GPAM: variants seen among roughly 807,000 people sequenced by gnomAD.
GPAM encodes the protein glycerol-3-phosphate acyltransferase, mitochondrial.
A neutral mutation model predicts 105.0 loss-of-function variants in GPAM; 56 were observed. That is an observed-to-expected ratio of 0.53 (90% confidence interval 0.43 to 0.67). The LOEUF (loss-of-function observed/expected upper bound fraction) is 0.67. Ranked by LOEUF, GPAM falls within the 30% of genes least tolerant of loss-of-function variation. GPAM has a pLI of 0.00. For synonymous variants in GPAM, 368 were observed against 354.4 expected (o/e 1.04, Z -0.43); for missense variants, 855 against 989.8 (o/e 0.86, Z 1.83).
intron 1 of GPAM, among the ~76,000 whole-genome samples, chr10:112,212,227 A>T (rs1847918391): frequency 6.6e-6 from 1 of 152,206 alleles, no homozygotes; most frequent in African/African-American, 2.4e-5. Flanking sequence ...GTCTGACAGG[A>T]ATATTATTAG....
intron 1 of GPAM, among the ~76,000 whole-genome samples, chr10:112,208,757 A>G (rs765470911): frequency 2.6e-5 from 4 of 152,226 alleles, no homozygotes; most frequent in Admixed American, 6.5e-5. Flanking sequence ...AAATTAAATT[A>G]AACATAAATT....
chr10:112,188,815 T>C (rs1252683084), intron 1 of GPAM, among the ~76,000 whole-genome samples: 1 of 152,138 alleles, frequency 6.6e-6, no homozygotes, highest in African/African-American at 2.4e-5. Context: ...GATCCTTAAT[T>C]TACAGATAAG....
At chr10:112,178,868 A>AATAACTGTC (rs1177924390) in intron 4 of GPAM, among the ~76,000 whole-genome samples, 2 of 152,104 alleles carry the variant, frequency 1.3e-5, no homozygotes, top group Non-Finnish European at 2.9e-5. Flanking sequence ...ATTACCCCTA[A>AATAACTGTC]ATAACTGTCC....
At position 112,211,679 on chromosome 10, in the gene GPAM, G is replaced by A. The variant is rs548471379; in HGVS notation, n.210+3489C>T. Among the ~76,000 whole-genome samples, 42 of 152,178 alleles carry A rather than the reference G, an allele frequency of 2.8e-4. 1 individual carries two copies. The East Asian group carries it at 5.2e-3, about 19-fold the overall frequency. On this transcript the variant is annotated intron_variant and non_coding_transcript_variant, in intron 1 of 3. Transcript: ENST00000480130. Reference sequence around the variant, plus strand: ...CTCAGCCTCATTCTCTATTCTACCCGCTGTGTGCCTCACACACAGTAAGCA... The same window carrying A: ...CTCAGCCTCATTCTCTATTCTACCCACTGTGTGCCTCACACACAGTAAGCA...
chr10:112,224,715 T>C, the GPAM span, among the ~76,000 whole-genome samples: 1 of 152,106 alleles, frequency 6.6e-6, no homozygotes, highest in East Asian at 1.9e-4. Flanking sequence ...AATATGCAAG[T>C]ACTAAGGACT....
intron 1 of GPAM, among the ~76,000 whole-genome samples, chr10:112,207,042 C>T (rs1035913202): frequency 6.6e-5 from 10 of 152,198 alleles, no homozygotes; most frequent in African/African-American, 2.4e-4. Context: ...ATTAACAACT[C>T]TTAATGTGGT....
At chr10:112,171,396 T>G (rs1195855900) in intron 9 of GPAM, among the ~76,000 whole-genome samples, 1 of 152,222 alleles carries the variant, frequency 6.6e-6, no homozygotes, top group Non-Finnish European at 1.5e-5. Flanking sequence ...TGAACTATCC[T>G]AATGGAAGCA....
upstream of GPAM, among the ~76,000 whole-genome samples, chr10:112,218,878 T>C (rs767882873): frequency 1.3e-5 from 2 of 152,202 alleles, no homozygotes; most frequent in Non-Finnish European, 2.9e-5. Flanking sequence ...AATTAATACA[T>C]AATGAGCAGT....
At chr10:112,208,717 A>AT (rs564490778) in intron 1 of GPAM, among the ~76,000 whole-genome samples, 1 of 152,178 alleles carries the variant, frequency 6.6e-6, no homozygotes, top group Non-Finnish European at 1.5e-5. Flanking sequence ...AGGGATACTA[A>AT]TTTTTTAATT....
intron 9 of GPAM, among the ~76,000 whole-genome samples, chr10:112,171,683 G>A (rs888522575): frequency 6.6e-6 from 1 of 152,260 alleles, no homozygotes; most frequent in Admixed American, 6.5e-5. Flanking sequence ...ACGCATTGAG[G>A]AAAACCTCTA....
At chr10:112,154,389 G>A (rs780497129) in intron 21 of GPAM, 41 of 572,234 alleles carry the variant, frequency 7.2e-5, no homozygotes, top group Non-Finnish European at 5.3e-5. Context: ...TAGCAGCTTG[G>A]GAATAAATGT....
intron 10 of GPAM, 98 bp from the exon 11 acceptor site, chr10:112,168,622 ATAACT>A: frequency 4.8e-6 from 4 of 841,582 alleles, no homozygotes; most frequent in Non-Finnish European, 8.0e-6. Context: ...AGAAAAAACG[ATAACT>A]TCACTACTGA....
chr10:112,193,586 G>A (rs79378348), intron 1 of GPAM, among the ~76,000 whole-genome samples: 208 of 152,288 alleles, frequency 1.4e-3, no homozygotes, highest in Non-Finnish European at 2.5e-3. Flanking sequence ...GGAAACTGAG[G>A]CACCAGGAGA....
At position 112,172,195 on chromosome 10, in the gene GPAM, T is replaced by G. The variant is rs1421912194; in HGVS notation, c.781A>C (p.Ile261Leu). The change falls in exon 9 of 22, where the codon ATC (isoleucine) becomes CTC (leucine). Residue 261 changes from isoleucine (I) to leucine (L), a missense_variant. By Grantham distance (5) the Ile-to-Leu change is conservative. Transcript: ENST00000348367. ...PYIASGNNLN[I>L]PIFSTLIHKL... ...AGCTCATCTTACCTGAAGATTGGGATGTTGAGATTATTGCCTGAAGCAATG... is the reference window on the plus strand; with the variant it reads ...AGCTCATCTTACCTGAAGATTGGGAGGTTGAGATTATTGCCTGAAGCAATG... 3 of 1,607,844 alleles carry G rather than the reference T, an allele frequency of 1.9e-6. No homozygotes were observed. Among genetic ancestry groups the G allele is most frequent in the South Asian group, 2.2e-5 (2 of 90,900 alleles).
intron 4 of GPAM, among the ~76,000 whole-genome samples, chr10:112,178,591 A>ACC (rs1252033920): frequency 7.0e-6 from 1 of 143,720 alleles, no homozygotes; most frequent in Non-Finnish European, 1.5e-5. Flanking sequence ...AAACAAACAA[A>ACC]CCACCTTAAA....
intron 17 of GPAM, among the ~76,000 whole-genome samples, chr10:112,159,377 C>T (rs7898897): frequency 0.55 from 83,468 of 151,398 alleles, 23,220 homozygotes; most frequent in South Asian, 0.62. Flanking sequence ...GGTGCTACTA[C>T]ACCTGGCTAA....
rs975897896 is a variant in GPAM at position 112,200,250 on chromosome 10, G to T, written n.210+14918C>A. The stretch of plus-strand genomic sequence containing the variant: ...ATGTATATATATATATATATAGAGA[G>T]AGAGAGAGAGAGAGAGAGAATAGTT... On this transcript the variant is annotated intron_variant and non_coding_transcript_variant, in intron 1 of 3. Coordinates refer to the GPAM transcript ENST00000480130. 7.5e-3 allele frequency among the ~76,000 whole-genome samples: 1,061 copies of T among 142,018 alleles called. 4 individuals are homozygous for T. Among genetic ancestry groups the T allele is most frequent in the African/African-American group, 0.013 (485 of 37,280 alleles). 93.2% of individuals were successfully genotyped at this position (142,018 alleles called of 152,430 possible). A position where few individuals can be genotyped will look rare whatever the true frequency, so the allele number is the denominator to read the frequency against.
Position 112,157,399 on chromosome 10 carries a change from G to GT in GPAM, c.1981-11_1981-10insA. ...CTTCCTGGTCATCGTGCTAGGCCAAGGAGATGATGGATAGTAAATAAATAT... is the reference window on the plus strand; with the variant it reads ...CTTCCTGGTCATCGTGCTAGGCCAAGTGAGATGATGGATAGTAAATAAATAT... On this transcript the variant is annotated splice_polypyrimidine_tract_variant and intron_variant, in intron 18 of 21. Coordinates refer to ENST00000348367, the MANE Select transcript of GPAM (RefSeq NM_001244949.2). The GT allele has an allele frequency of 6.2e-7, 1 of 1,613,116 alleles. No homozygotes were observed. Among genetic ancestry groups the GT allele is most frequent in the Non-Finnish European group, 8.5e-7 (1 of 1,179,216 alleles).
intron 6 of GPAM, among the ~76,000 whole-genome samples, chr10:112,174,410 T>A (rs1847367913): frequency 6.6e-6 from 1 of 152,184 alleles, no homozygotes; most frequent in African/African-American, 2.4e-5. Flanking sequence ...CAGCACAGAA[T>A]AATAAGCAGT....
Sources: gnomAD v4.1 joint callset for allele counts (sites outside exome capture counted in the v4.1 genomes callset) on GRCh38, gnomAD v4.1.1 for gene constraint, MANE v1.5 for transcripts, NCBI Gene and HGNC (gene_info 2026-07-23, HGNC 2026-07-21) for gene names.